ABCA13: variants seen among roughly 807,000 people sequenced by gnomAD.
ABCA13 encodes the protein ATP binding cassette subfamily A member 13.
Under a neutral mutation model 478.7 loss-of-function variants are expected in ABCA13, and 476 were observed. The observed-to-expected ratio is 0.99, with a 90% CI of 0.92 to 1.07. The LOEUF is 1.07. ABCA13 is among the 50% of genes least tolerant of loss of function. The probability of loss-of-function intolerance (pLI) is 0.00; values close to 1 mark genes in which losing one functional copy is unlikely to be tolerated. For synonymous variants in ABCA13, 2,252 were observed against 2,158.9 expected (o/e 1.04, Z -1.20); for missense variants, 6,060 against 5,910.6 (o/e 1.03, Z -0.83).
At chr7:48,283,289 T>C (rs1404169678) in intron 19 of ABCA13, among the ~76,000 whole-genome samples, 1 of 151,964 alleles carries the variant, frequency 6.6e-6, no homozygotes, top group Non-Finnish European at 1.5e-5. Flanking sequence ...GGAGGAGAAA[T>C]GAGCCTTGGG....
chr7:48,225,661 A>G (rs1013031655), intron 5 of ABCA13, among the ~76,000 whole-genome samples: 1 of 152,126 alleles, frequency 6.6e-6, no homozygotes, highest in Non-Finnish European at 1.5e-5. Flanking sequence ...TAGACTATCT[A>G]TCTCAATTTT....
Position 48,453,828 on chromosome 7 carries a change from T to C in ABCA13, c.12566-1209T>C, listed in dbSNP as rs1825336694. On this transcript the variant is annotated intron_variant, in intron 42 of 61. Transcript: ENST00000435803. Reference sequence around the variant, plus strand: ...TTACATTTTTATCTCAACCCGTATGTTGGGGACAGAAACCAAAGAGCCCAG... The same window carrying C: ...TTACATTTTTATCTCAACCCGTATGCTGGGGACAGAAACCAAAGAGCCCAG... 1.3e-5 allele frequency among the ~76,000 whole-genome samples: 2 copies of C among 152,184 alleles called. 1 individual carries two copies. Among genetic ancestry groups the C allele is most frequent in the Admixed American group, 1.3e-4 (2 of 15,272 alleles).
chr7:48,176,969 T>A (rs1403259013), intron 1 of ABCA13, among the ~76,000 whole-genome samples: 2 of 152,206 alleles, frequency 1.3e-5, no homozygotes, highest in Admixed American at 6.5e-5. Flanking sequence ...TCTTTGAGAT[T>A]TTTGTCTGTT....
chr7:48,214,690 A>C (rs1786177027), intron 3 of ABCA13, among the ~76,000 whole-genome samples: 1 of 152,194 alleles, frequency 6.6e-6, no homozygotes. Flanking sequence ...ACCTCTGCTA[A>C]CTTCAGACTT....
In ABCA13 at chr7:48,338,442, A is replaced by T. The variant is rs1473980706; in HGVS notation, c.10191A>T (p.Lys3397Asn). ...LHIDVDKLTE[K>N]LQTYGGLLDE... ...TTGATGTAGACAAACTTACTGAAAA[A>T]CTCCAGACATACGGTAAGTGTGCTG... The change falls in exon 29 of 62, where the codon AAA becomes AAT. Residue 3397 changes from lysine to asparagine, a missense_variant. Around this residue, in one of 3 missense-constraint regions of ABCA13, gnomAD observed 4,423 missense variants for 4,309.1 expected, o/e 1.03. Coordinates refer to ENST00000435803, the MANE Select transcript of ABCA13 (RefSeq NM_152701.5). 6.3e-7 allele frequency: 1 copy of T among 1,591,874 alleles called. No homozygotes were observed. Among genetic ancestry groups the T allele is most frequent in the Admixed American group, 1.7e-5 (1 of 57,734 alleles).
intron 15 of ABCA13, among the ~76,000 whole-genome samples, chr7:48,263,707 T>G (rs1164093588): frequency 6.6e-6 from 1 of 151,424 alleles, no homozygotes. Context: ...ATATGGAAGA[T>G]TTTATTTACC....
intron 2 of ABCA13, among the ~76,000 whole-genome samples, chr7:48,193,620 G>T (rs2128897471): frequency 6.6e-6 from 1 of 150,864 alleles, no homozygotes; most frequent in South Asian, 2.2e-4. Flanking sequence ...TGATGATAGT[G>T]ATGATGATGT....
chr7:48,283,769 A>G (rs181880414), intron 19 of ABCA13, among the ~76,000 whole-genome samples: 170 of 152,254 alleles, frequency 1.1e-3, no homozygotes, highest in African/African-American at 4.0e-3. Context: ...TATTGCCCCA[A>G]ATATCTTTGA....
intron 27 of ABCA13, among the ~76,000 whole-genome samples, chr7:48,329,802 C>G (rs1804938003): frequency 6.6e-6 from 1 of 151,840 alleles, no homozygotes; most frequent in Non-Finnish European, 1.5e-5. Flanking sequence ...CCCATCCACC[C>G]ATTCATTCAT....
At chr7:48,214,175 A>G (rs906866129) in intron 3 of ABCA13, among the ~76,000 whole-genome samples, 2 of 152,200 alleles carry the variant, frequency 1.3e-5, no homozygotes, top group Admixed American at 6.5e-5. Flanking sequence ...AACTGGCTGC[A>G]TGGTCAATGA....
chr7:48,517,878 C>G (rs916651198), intron 52 of ABCA13, among the ~76,000 whole-genome samples: 5 of 152,192 alleles, frequency 3.3e-5, no homozygotes, highest in Non-Finnish European at 5.9e-5. Flanking sequence ...AGTTTTGAAG[C>G]ATGTGCTGCA....
chr7:48,558,337 C>T (rs1365170388), intron 55 of ABCA13, among the ~76,000 whole-genome samples: 1 of 151,504 alleles, frequency 6.6e-6, no homozygotes, highest in African/African-American at 2.4e-5. Context: ...CACCCTGTCA[C>T]CCAGGTTGGA....
intron 59 of ABCA13, among the ~76,000 whole-genome samples, chr7:48,623,692 T>G (rs1793376566): frequency 1.3e-5 from 2 of 152,206 alleles, no homozygotes; most frequent in African/African-American, 2.4e-5. Flanking sequence ...AAAGAGCACA[T>G]GCCAACTGTC....
chr7:48,423,862 A>T (rs554640840), intron 41 of ABCA13, among the ~76,000 whole-genome samples: 3 of 152,320 alleles, frequency 2.0e-5, no homozygotes, highest in South Asian at 2.1e-4. Context: ...TAGTTTGACC[A>T]ACTTGATTGT....
At chr7:48,427,281 A>G (rs947049393) in intron 41 of ABCA13, among the ~76,000 whole-genome samples, 10 of 152,226 alleles carry the variant, frequency 6.6e-5, no homozygotes, top group Non-Finnish European at 1.5e-4. Context: ...TATTTGATTA[A>G]CTACCTTAGT....
Position 48,481,017 on chromosome 7 carries a change from T to C in ABCA13, c.12976-19T>C. ...AATTATAAAAAAGTTTGTTTTTATC[T>C]TTTTGAAAACAATTTCAGAAGTGTC... On this transcript the variant is annotated intron_variant, in intron 45 of 61. Coordinates refer to ENST00000435803, the MANE Select transcript of ABCA13 (RefSeq NM_152701.5). The C allele has an allele frequency of 6.5e-7, 1 of 1,534,790 alleles. No individual in the cohort carries two copies. Among genetic ancestry groups the C allele is most frequent in the Non-Finnish European group, 8.9e-7 (1 of 1,129,508 alleles).
intron 41 of ABCA13, 145 bp from the exon 42 acceptor site, chr7:48,427,621 C>G (rs35418390): frequency 0.19 from 116,410 of 603,762 alleles, 12,675 homozygotes; most frequent in East Asian, 0.27. Context: ...AGAGTTATGC[C>G]AATTAAATGG....
At chr7:48,257,716 AG>A (rs1793602909) in intron 15 of ABCA13, among the ~76,000 whole-genome samples, 1 of 152,060 alleles carries the variant, frequency 6.6e-6, no homozygotes. Flanking sequence ...TATGTTGTTG[AG>A]GATTTTTGCA....
At chr7:48,302,389 T>C (rs185385862) in intron 23 of ABCA13, among the ~76,000 whole-genome samples, 1 of 152,340 alleles carries the variant, frequency 6.6e-6, no homozygotes, top group African/African-American at 2.4e-5. Flanking sequence ...TGCTGGTTTG[T>C]TATATAGGTA....
Sources: gnomAD v4.1 joint callset for allele counts (sites outside exome capture counted in the v4.1 genomes callset) on GRCh38, gnomAD v4.1.1 for gene constraint, gnomAD v4.1.1 regional missense constraint, MANE v1.5 for transcripts, NCBI Gene and HGNC (gene_info 2026-07-23, HGNC 2026-07-21) for gene names.